MGAT4C: variants seen among roughly 807,000 people sequenced by gnomAD.
The protein encoded by MGAT4C is alpha-1,3-mannosyl-glycoprotein 4-beta-N-acetylglucosaminyltransferase C.
In MGAT4C, 19 loss-of-function variants were observed where a neutral mutation model predicts 40.1. The ratio of observed to expected loss-of-function variants is 0.47; its 90% confidence interval spans 0.33 to 0.70. The LOEUF (loss-of-function observed/expected upper bound fraction) is 0.70. Among genes scored for constraint, MGAT4C ranks in the 30% least tolerant of loss-of-function variants. The pLI, the probability that MGAT4C is intolerant of heterozygous loss-of-function variation, is 0.02. For synonymous variants in MGAT4C, 181 were observed against 187.1 expected (o/e 0.97, Z 0.27); for missense variants, 491 against 563.2 (o/e 0.87, Z 1.30).
intron 1 of MGAT4C, among the ~76,000 whole-genome samples, chr12:86,164,457 G>C (rs1264754895): frequency 2.6e-5 from 4 of 152,112 alleles, no homozygotes; most frequent in Non-Finnish European, 5.9e-5. Context: ...CCAAGCAATG[G>C]GGGTGCAAAG....
chr12:86,632,301 G>T (rs1331956466), intron 2 of MGAT4C, among the ~76,000 whole-genome samples: 1 of 152,172 alleles, frequency 6.6e-6, no homozygotes, highest in African/African-American at 2.4e-5. Flanking sequence ...CTTTTACACT[G>T]TTGGGGGGAC....
intron 2 of MGAT4C, among the ~76,000 whole-genome samples, chr12:86,679,538 C>T (rs1275902995): frequency 6.6e-6 from 1 of 151,870 alleles, no homozygotes; most frequent in Non-Finnish European, 1.5e-5. Context: ...TGAATGTGCA[C>T]CCCAAAATTT....
chr12:86,110,304 A>ATATATATAGTC (rs1877122615), intron 1 of MGAT4C, among the ~76,000 whole-genome samples: 1 of 101,380 alleles, frequency 9.9e-6, no homozygotes, highest in Non-Finnish European at 1.9e-5. Context: ...GTCTCTCTAT[A>ATATATATAGTC]TATATATATA....
At chr12:86,632,527 C>G (rs1251661022) in intron 2 of MGAT4C, among the ~76,000 whole-genome samples, 1 of 152,012 alleles carries the variant, frequency 6.6e-6, no homozygotes, top group African/African-American at 2.4e-5. Context: ...CAATGATAGA[C>G]TGGATTAAGA....
intron 1 of MGAT4C, among the ~76,000 whole-genome samples, chr12:86,168,918 T>A (rs562832630): frequency 3.0e-4 from 46 of 152,292 alleles, no homozygotes; most frequent in African/African-American, 1.1e-3. Flanking sequence ...TACAATCTTA[T>A]GAAATCTAAG....
At chr12:86,667,595 G>GACTTAATACT (rs1964146542) in intron 2 of MGAT4C, among the ~76,000 whole-genome samples, 1 of 152,148 alleles carries the variant, frequency 6.6e-6, no homozygotes, top group Non-Finnish European at 1.5e-5. Flanking sequence ...CTTTTGCACT[G>GACTTAATACT]ACTTAATACT....
At chr12:86,013,745 C>T in intron 2 of MGAT4C, 1 of 982,916 alleles carries the variant, frequency 1.0e-6, no homozygotes, top group Non-Finnish European at 1.2e-6. Flanking sequence ...TAGTGTCAGT[C>T]AGGTCCACAG....
At chr12:86,148,359 T>C (rs1310957021) in intron 1 of MGAT4C, among the ~76,000 whole-genome samples, 1 of 152,242 alleles carries the variant, frequency 6.6e-6, no homozygotes, top group African/African-American at 2.4e-5. Flanking sequence ...AAACATTGTG[T>C]GCTTATCATA....
intron 1 of MGAT4C, among the ~76,000 whole-genome samples, chr12:86,200,949 C>T (rs543289462): frequency 6.6e-6 from 1 of 152,102 alleles, no homozygotes; most frequent in African/African-American, 2.4e-5. Flanking sequence ...AGAAGGCAGC[C>T]GTCTACAAGC....
chr12:86,713,223 G>GT (rs1385968789), intron 2 of MGAT4C, among the ~76,000 whole-genome samples: 2 of 151,984 alleles, frequency 1.3e-5, no homozygotes, highest in Non-Finnish European at 2.9e-5. Flanking sequence ...TTTACATGTT[G>GT]TTTTTTAAAG....
intron 2 of MGAT4C, among the ~76,000 whole-genome samples, chr12:86,519,501 C>T (rs1053742496): frequency 2.6e-5 from 4 of 152,102 alleles, no homozygotes; most frequent in Admixed American, 2.6e-4. Flanking sequence ...AGTGGTTGTA[C>T]TAATTTACAT....
intron 2 of MGAT4C, among the ~76,000 whole-genome samples, chr12:86,482,181 C>T (rs1300126958): frequency 2.6e-5 from 4 of 151,704 alleles, no homozygotes; most frequent in African/African-American, 9.7e-5. Context: ...AGACCATTTT[C>T]AAATTTGATA....
rs147818430 is a variant in MGAT4C, at chr12:86,297,475, G to A, written c.-57+36590C>T. On this transcript the variant is annotated intron_variant, in intron 4 of 7. Transcript: ENST00000548651. Reference sequence around the variant, plus strand: ...ATATTATTTTATTTAAACTACATTTGAGTCTGTGCACATTAAGGGAGAAAA... The same window carrying A: ...ATATTATTTTATTTAAACTACATTTAAGTCTGTGCACATTAAGGGAGAAAA... 1.6e-4 allele frequency among the ~76,000 whole-genome samples: 24 copies of A among 152,220 alleles called. No individual in the cohort carries two copies. The East Asian group carries it at 3.7e-3, about 23-fold the overall frequency.
intron 2 of MGAT4C, among the ~76,000 whole-genome samples, chr12:86,693,111 G>A (rs1465293123): frequency 6.6e-6 from 1 of 152,166 alleles, no homozygotes; most frequent in African/African-American, 2.4e-5. Context: ...ACACTCTTCA[G>A]CTGAGTTAAT....
intron 2 of MGAT4C, among the ~76,000 whole-genome samples, chr12:86,473,621 T>C (rs1239765018): frequency 6.6e-6 from 1 of 152,170 alleles, no homozygotes; most frequent in Non-Finnish European, 1.5e-5. Context: ...CATAAAGCAG[T>C]CTTAGGAGGA....
intron 2 of MGAT4C, among the ~76,000 whole-genome samples, chr12:86,587,800 T>A (rs1961128054): frequency 1.3e-5 from 2 of 151,286 alleles, no homozygotes; most frequent in African/African-American, 4.8e-5. Context: ...ATTGATTTTG[T>A]ATCCTGAGAC....
chr12:86,772,260 G>T (rs771537160), intron 1 of MGAT4C, among the ~76,000 whole-genome samples: 1 of 152,168 alleles, frequency 6.6e-6, no homozygotes, highest in East Asian at 1.9e-4. Context: ...TGGCTTGGAC[G>T]TCTGTGAATT....
At chr12:86,427,380 A>C (rs901070764) in intron 3 of MGAT4C, among the ~76,000 whole-genome samples, 1 of 151,958 alleles carries the variant, frequency 6.6e-6, no homozygotes, top group Non-Finnish European at 1.5e-5. Flanking sequence ...ACATATTATA[A>C]TTATAGTATA....
chr12:86,478,027 ATT>A (rs77188427), intron 2 of MGAT4C, among the ~76,000 whole-genome samples: 15,298 of 152,210 alleles, frequency 0.1, 1,000 homozygotes, highest in Middle Eastern at 0.25. Flanking sequence ...AAGCTGAGAA[ATT>A]TTGTTTATAA....
Sources: allele counts gnomAD v4.1 joint callset (sites outside exome capture counted in the v4.1 genomes callset), GRCh38; gene constraint gnomAD v4.1.1; transcripts MANE v1.5; gene names NCBI Gene and HGNC (gene_info 2026-07-23, HGNC 2026-07-21).